The following MKLN1 variants were observed in gnomAD, a reference collection of about 807,000 sequenced individuals.
The protein encoded by MKLN1 is muskelin.
Under a neutral mutation model 99.0 loss-of-function variants are expected in MKLN1, and 18 were observed. The ratio of observed to expected loss-of-function variants is 0.18; its 90% CI spans 0.13 to 0.27. The LOEUF (loss-of-function observed/expected upper bound fraction) is 0.27, where lower values mean the gene tolerates loss of function less well. MKLN1 is among the 10% of genes least tolerant of loss of function. MKLN1 has a pLI of 1.00. For missense variants in MKLN1, 621 were observed against 875.9 expected, an observed-to-expected ratio of 0.71 and a Z score of 3.67; for synonymous variants, 288 against 293.2, an observed-to-expected ratio of 0.98 and a Z score of 0.18.
At chr7:131,245,924 C>A (rs1023160202) in intron 3 of MKLN1, among the ~76,000 whole-genome samples, 2 of 152,240 alleles carry the variant, frequency 1.3e-5, no homozygotes, top group Non-Finnish European at 1.5e-5. Flanking sequence ...ACCTCAGAGA[C>A]CATCCTGTCC....
At chr7:131,138,865 A>G (rs1795690259) in intron 1 of MKLN1, among the ~76,000 whole-genome samples, 2 of 152,212 alleles carry the variant, frequency 1.3e-5, no homozygotes, top group Non-Finnish European at 2.9e-5. Flanking sequence ...CAGTCATTGT[A>G]TGCGTCTTGG....
intron 3 of MKLN1, among the ~76,000 whole-genome samples, chr7:131,243,571 A>G (rs1221691082): frequency 2.0e-5 from 3 of 152,198 alleles, no homozygotes; most frequent in African/African-American, 4.8e-5. Context: ...TAATAATGTT[A>G]CAAAACACCT....
At chr7:131,170,848 G>A (rs1267634840) in intron 2 of MKLN1, among the ~76,000 whole-genome samples, 1 of 152,198 alleles carries the variant, frequency 6.6e-6, no homozygotes, top group East Asian at 1.9e-4. Context: ...TGAAAACGCT[G>A]AAGTACTTCA....
At chr7:131,470,254 A>G (rs1296564181) in intron 15 of MKLN1, among the ~76,000 whole-genome samples, 1 of 152,208 alleles carries the variant, frequency 6.6e-6, no homozygotes, top group Non-Finnish European at 1.5e-5. Context: ...TACATGTAAA[A>G]TACTTGATAC....
intron 1 of MKLN1, among the ~76,000 whole-genome samples, chr7:131,121,638 C>A (rs1445554878): frequency 2.7e-5 from 2 of 72,804 alleles, no homozygotes. Context: ...GACTCCGTCT[C>A]AAAAAAAAAA....
chr7:131,250,795 T>G (rs1797566025), intron 3 of MKLN1, among the ~76,000 whole-genome samples: 2 of 152,208 alleles, frequency 1.3e-5, no homozygotes, highest in Non-Finnish European at 2.9e-5. Context: ...GGGAAGCAGA[T>G]GCCGACTCAG....
chr7:131,365,176 T>C (rs1800143622), intron 1 of MKLN1, among the ~76,000 whole-genome samples: 1 of 152,216 alleles, frequency 6.6e-6, no homozygotes, highest in African/African-American at 2.4e-5. Context: ...GGTATCTCAT[T>C]GTGGTTTTGA....
intron 1 of MKLN1, among the ~76,000 whole-genome samples, chr7:131,139,781 G>C (rs949463658): frequency 4.6e-5 from 7 of 152,202 alleles, no homozygotes; most frequent in Non-Finnish European, 1.0e-4. Context: ...AGGGACAGGG[G>C]TGGGTACAGA....
chr7:131,313,787 C>A (rs1016203460), intron 3 of MKLN1, among the ~76,000 whole-genome samples: 4 of 152,186 alleles, frequency 2.6e-5, no homozygotes, highest in Non-Finnish European at 4.4e-5. Flanking sequence ...CAGGGCAGAG[C>A]CCATTAAGGA....
At chr7:131,457,493 A>C (rs916172414) in intron 12 of MKLN1, among the ~76,000 whole-genome samples, 1 of 152,216 alleles carries the variant, frequency 6.6e-6, no homozygotes, top group African/African-American at 2.4e-5. Flanking sequence ...GATTAGCAAG[A>C]GCACTCTTCC....
At chr7:131,184,405 T>G (rs1796418791) in intron 2 of MKLN1, among the ~76,000 whole-genome samples, 1 of 152,216 alleles carries the variant, frequency 6.6e-6, no homozygotes, top group Non-Finnish European at 1.5e-5. Flanking sequence ...AGCAAGCCTG[T>G]CCTTAGAAAC....
chr7:131,195,814 G>T (rs1796634975), intron 2 of MKLN1, among the ~76,000 whole-genome samples: 1 of 151,954 alleles, frequency 6.6e-6, no homozygotes, highest in Non-Finnish European at 1.5e-5. Context: ...AGCTCAGCAT[G>T]GCAGCGCGTG....
At chr7:131,217,530 T>C (rs1245313633) in intron 3 of MKLN1, among the ~76,000 whole-genome samples, 3 of 150,148 alleles carry the variant, frequency 2.0e-5, no homozygotes, top group African/African-American at 7.3e-5. Flanking sequence ...AAACCCTGTC[T>C]CTACTAAAAA....
At chr7:131,441,197 AT>A (rs1306385824) in intron 10 of MKLN1, among the ~76,000 whole-genome samples, 9 of 152,202 alleles carry the variant, frequency 5.9e-5, no homozygotes, top group African/African-American at 1.9e-4. Context: ...ATCTCAGCTC[AT>A]TGATATTCTC....
At chr7:131,122,805 AGGTCG>A (rs1273169016) in intron 1 of MKLN1, among the ~76,000 whole-genome samples, 2 of 151,894 alleles carry the variant, frequency 1.3e-5, no homozygotes, top group Non-Finnish European at 2.9e-5. Flanking sequence ...GCGGATCACG[AGGTCG>A]GGAGATGGAG....
intron 3 of MKLN1, among the ~76,000 whole-genome samples, chr7:131,235,295 C>G (rs913330337): frequency 6.7e-6 from 1 of 149,528 alleles, no homozygotes; most frequent in African/African-American, 2.5e-5. Flanking sequence ...CACACACACA[C>G]TGTGTGTGTG....
chr7:131,211,406 A>G (rs920764115), intron 3 of MKLN1, among the ~76,000 whole-genome samples: 2 of 152,222 alleles, frequency 1.3e-5, no homozygotes, highest in African/African-American at 4.8e-5. Flanking sequence ...TATGTGTACA[A>G]GTAACTGAGT....
chr7:131,233,751 C>T (rs1433424579), intron 3 of MKLN1, among the ~76,000 whole-genome samples: 1 of 151,610 alleles, frequency 6.6e-6, no homozygotes, highest in African/African-American at 2.4e-5. Context: ...AACTAATTAC[C>T]AGTGGGGCTA....
In MKLN1 at chr7:131,399,340, C is replaced by T; in HGVS notation, c.610C>T (p.Leu204=). ...ACTGCAAAAGAAAACCAAGATTGCA[C>T]TGGAACATCCCATGTTAACAGATAT... ...ESLQKKTKIA[L]EHPMLTDIHD... Residue 204 remains leucine (L), a synonymous_variant, in exon 6 of 18, where the codon CTG becomes TTG. Transcript: ENST00000352689. The T allele has an allele frequency of 6.2e-7, 1 of 1,613,962 alleles. No homozygotes were observed. Among genetic ancestry groups the T allele is most frequent in the Non-Finnish European group, 8.5e-7 (1 of 1,179,910 alleles).
Sources: gnomAD v4.1 joint callset for allele counts (sites outside exome capture counted in the v4.1 genomes callset) on GRCh38, gnomAD v4.1.1 for gene constraint, MANE v1.5 for transcripts, NCBI Gene and HGNC (gene_info 2026-07-23, HGNC 2026-07-21) for gene names.